PRKDC: variants seen among roughly 807,000 people sequenced by gnomAD.
PRKDC encodes the protein DNA-dependent protein kinase catalytic subunit.
PRKDC carries 82 observed loss-of-function variants against 486.9 expected under a neutral mutation model. That is an observed-to-expected ratio of 0.17 (90% CI 0.14 to 0.20). The LOEUF is 0.20. PRKDC is among the 10% of genes least tolerant of loss of function. The pLI is 1.00. For synonymous variants in PRKDC, 1,895 were observed against 1,837.0 expected (o/e 1.03, Z -0.81); for missense variants, 4,504 against 5,038.2 (o/e 0.89, Z 3.21).
rs1313218299 is a variant in PRKDC, at chr8:47,776,948, T to C, written c.12078A>G (p.Ser4026=). The change falls in exon 85 of 86, where the codon TCA becomes TCG. Residue 4026 remains serine (S), a synonymous_variant. Transcript: ENST00000314191. The stretch of plus-strand genomic sequence containing the variant: ...CAGCAACATTTATTTCTTGAATCCA[T>C]GACCCTCCTTTTTTCAGCATTTTCT... ...FEQKMLKKGG[S]WIQEINVAEK... 7 of 1,610,484 alleles carry C rather than the reference T, an allele frequency of 4.3e-6. No homozygotes were observed. The highest frequency in any genetic ancestry group is 1.7e-5 in the Admixed American group (1 of 59,056).
intron 58 of PRKDC, among the ~76,000 whole-genome samples, chr8:47,835,276 T>G (rs2087989111): frequency 6.6e-6 from 1 of 152,134 alleles, no homozygotes; most frequent in Admixed American, 6.5e-5. Flanking sequence ...CTACACTATG[T>G]TTTTCTGTAC....
chr8:47,932,168 C>A (rs901519787), intron 16 of PRKDC, among the ~76,000 whole-genome samples: 6 of 152,154 alleles, frequency 3.9e-5, no homozygotes, highest in African/African-American at 1.4e-4. Context: ...ACTGCAACCT[C>A]CACCTCCCAG....
At chr8:47,852,955 AG>A (rs2088445004) in intron 51 of PRKDC, among the ~76,000 whole-genome samples, 171 bp from the exon 52 acceptor site, 3 of 152,328 alleles carry the variant, frequency 2.0e-5, no homozygotes, top group African/African-American at 7.2e-5. Context: ...CATGTACGTA[AG>A]GGTGCCCGAT....
Position 47,799,214 on chromosome 8 carries a change from T to C in PRKDC, c.10293A>G (p.Ala3431=), listed in dbSNP as rs2087045863. 6.2e-7 allele frequency: 1 copy of C among 1,613,922 alleles called. No homozygotes were observed. Residue 3431 remains alanine, a synonymous_variant, in exon 72 of 86, where the codon GCA becomes GCG. Transcript: ENST00000314191. ...GCTTTTTAATTTTCAATTCACCTGA[T>C]GCATTCTCTTCCTCCTTGCGCAGCT... ...DQQLRKEEEN[A]SVIDSAELQA... is the part of the protein sequence containing the mutation.
chr8:47,938,856 C>T (rs570677646), intron 11 of PRKDC, among the ~76,000 whole-genome samples: 43 of 152,232 alleles, frequency 2.8e-4, no homozygotes, highest in African/African-American at 9.1e-4. Context: ...AGGTGTGGGC[C>T]GCCACACCTA....
Position 47,778,777 on chromosome 8 carries a change from C to T in PRKDC, c.11602G>A (p.Val3868Ile). 1 of 1,613,726 alleles carries T rather than the reference C, an allele frequency of 6.2e-7. No homozygotes were observed. Among genetic ancestry groups the T allele is most frequent in the Non-Finnish European group, 8.5e-7 (1 of 1,179,776 alleles). The change falls in exon 82 of 86, where the codon GTC becomes ATC. Residue 3868 changes from valine (V) to isoleucine (I), a missense_variant. This residue lies in a region of PRKDC where 706 missense variants were observed against 945.0 expected (regional missense o/e 0.75). Coordinates refer to ENST00000314191, the MANE Select transcript of PRKDC (RefSeq NM_006904.7). ...MYKGANRTETVTSFRKRESKV... is the reference protein window; with the variant it reads ...MYKGANRTETITSFRKRESKV... ...CTTTCTCGTTTTCTAAAAGACGTGA[C>T]TGTTTCAGTACGATTAGCGCCCCTA...
In PRKDC at chr8:47,855,318, T is replaced by A; in HGVS notation, c.6665A>T (p.His2222Leu). Residue 2222 changes from histidine to leucine, a missense_variant, in exon 50 of 86, where the codon CAT becomes CTT. By Grantham distance (99) the His-to-Leu change is moderately conservative (BLOSUM62 -3). This residue lies in a region of PRKDC where 1,592 missense variants were observed against 1,724.6 expected (regional missense o/e 0.92). Transcript: ENST00000314191. ...ANRLLNFLMKHVFHPKRAVFR... is the reference protein window; with the variant it reads ...ANRLLNFLMKLVFHPKRAVFR... ...CACAGCTCTTTTTGGATGAAAGACATGTTTCATTAGGAAATTAAGCAATCG... is the reference window on the plus strand; with the variant it reads ...CACAGCTCTTTTTGGATGAAAGACAAGTTTCATTAGGAAATTAAGCAATCG... The A allele has an allele frequency of 6.2e-7, 1 of 1,600,856 alleles. No individual in the cohort carries two copies. Among genetic ancestry groups the A allele is most frequent in the South Asian group, 1.1e-5 (1 of 88,960 alleles).
intron 74 of PRKDC, among the ~76,000 whole-genome samples, chr8:47,791,152 T>C (rs2086875863): frequency 6.6e-6 from 1 of 152,074 alleles, no homozygotes; most frequent in Admixed American, 6.6e-5. Context: ...GGAGAAAACA[T>C]TTGCAAACTA....
intron 77 of PRKDC, among the ~76,000 whole-genome samples, chr8:47,784,687 TATC>T (rs1350481237): frequency 2.6e-5 from 4 of 152,142 alleles, no homozygotes; most frequent in African/African-American, 4.8e-5. Flanking sequence ...GTCAGTGACT[TATC>T]ATTAACTTGT....
At chr8:47,792,669 CCT>C (rs1276883839) in intron 74 of PRKDC, among the ~76,000 whole-genome samples, 1 of 151,998 alleles carries the variant, frequency 6.6e-6, no homozygotes, top group African/African-American at 2.4e-5. Context: ...CTCCACTTAC[CCT>C]GATGTGATTG....
At chr8:47,788,518 C>T (rs2086830997) in intron 76 of PRKDC, among the ~76,000 whole-genome samples, 1 of 152,224 alleles carries the variant, frequency 6.6e-6, no homozygotes, top group Non-Finnish European at 1.5e-5. Flanking sequence ...ATCTCCTGAG[C>T]ACCCAGAACT....
In PRKDC at chr8:47,892,452, T is replaced by A. The variant is rs2089481683; in HGVS notation, c.3847+687A>T. Among the ~76,000 whole-genome samples, 6 of 152,068 alleles carry A rather than the reference T, an allele frequency of 3.9e-5. 1 individual carries two copies. In the South Asian group the frequency reaches 1.2e-3, roughly 32 times the overall value. On this transcript the variant is annotated intron_variant, in intron 31 of 85. Coordinates refer to ENST00000314191, the MANE Select transcript of PRKDC (RefSeq NM_006904.7). Reference sequence around the variant, plus strand: ...CTCAAGCGATCCTCCCACCTCAGACTCCCCAGTAGCTGGGATCACAGATGT... The same window carrying A: ...CTCAAGCGATCCTCCCACCTCAGACACCCCAGTAGCTGGGATCACAGATGT...
chr8:47,948,984 A>C (rs1212409053), intron 7 of PRKDC, among the ~76,000 whole-genome samples: 4 of 152,268 alleles, frequency 2.6e-5, no homozygotes, highest in African/African-American at 9.6e-5. Context: ...TCTAAAGGTG[A>C]GAAGTCTGAA....
Position 47,927,906 on chromosome 8 carries a change from G to T in PRKDC, c.2140-16C>A. On this transcript the variant is annotated splice_polypyrimidine_tract_variant and intron_variant, in intron 19 of 85. Coordinates refer to ENST00000314191, the MANE Select transcript of PRKDC (RefSeq NM_006904.7). ...TAACTGCCACCTTAACAAGAAAGAA[G>T]ACAGTAATGTATATCTGAATAGAGC... is the stretch of plus-strand genomic sequence containing the variant. 1.3e-6 allele frequency: 2 copies of T among 1,532,110 alleles called. No individual in the cohort carries two copies. Among genetic ancestry groups the T allele is most frequent in the South Asian group, 1.3e-5 (1 of 74,344 alleles). The allele number at this position is 1,532,110 out of a possible 1,614,324, so 94.9% of individuals were successfully genotyped here. A position where few individuals can be genotyped will look rare whatever the true frequency, so the allele number is the denominator to read the frequency against.
intron 80 of PRKDC, among the ~76,000 whole-genome samples, chr8:47,780,943 A>G (rs2086689630): frequency 6.6e-6 from 1 of 152,246 alleles, no homozygotes; most frequent in South Asian, 2.1e-4. Flanking sequence ...TCTCAAAAAA[A>G]CAAAACACTG....
At chr8:47,866,357 T>C (rs2088813125) in intron 40 of PRKDC, among the ~76,000 whole-genome samples, 2 of 152,110 alleles carry the variant, frequency 1.3e-5, no homozygotes, top group Admixed American at 6.6e-5. Flanking sequence ...GGCCACCCAC[T>C]CTGTGCTATT....
At chr8:47,818,349 G>A (rs1039253340) in intron 67 of PRKDC, among the ~76,000 whole-genome samples, 3 of 152,066 alleles carry the variant, frequency 2.0e-5, no homozygotes, top group Admixed American at 6.6e-5. Context: ...GGAGGCCGAG[G>A]CGGGCGGATC....
At position 47,852,702 on chromosome 8, in the gene PRKDC, T is replaced by G. The variant is rs1389341968; in HGVS notation, c.6976A>C (p.Ile2326Leu). 1.9e-6 allele frequency: 3 copies of G among 1,577,150 alleles called. No individual in the cohort carries two copies. Among genetic ancestry groups the G allele is most frequent in the Middle Eastern group, 1.7e-4 (1 of 6,014 alleles). Reference protein sequence around the residue: ...YAAAAEVLGLILRYVMERKNI... With the variant: ...YAAAAEVLGLLLRYVMERKNI... The stretch of plus-strand genomic sequence containing the variant: ...TTTCTCTCCATAACATATCGAAGTA[T>G]AAGTCCTAGAACTTCTGCTGCAGCG... Residue 2326 changes from isoleucine to leucine, a missense_variant, in exon 52 of 86, where the codon ATA (isoleucine) becomes CTA (leucine). This residue lies in a region of PRKDC where 1,592 missense variants were observed against 1,724.6 expected (regional missense o/e 0.92). Transcript: ENST00000314191.
At chr8:47,948,535 C>T (rs1377274474) in intron 7 of PRKDC, among the ~76,000 whole-genome samples, 1 of 150,186 alleles carries the variant, frequency 6.7e-6, no homozygotes, top group Non-Finnish European at 1.5e-5. Context: ...TCTCAGCTCA[C>T]TGCAACCTCC....
Sources: allele counts gnomAD v4.1 joint callset (sites outside exome capture counted in the v4.1 genomes callset), GRCh38; gene constraint gnomAD v4.1.1; regional missense constraint gnomAD v4.1.1; transcripts MANE v1.5; gene names NCBI Gene and HGNC (gene_info 2026-07-23, HGNC 2026-07-21).